ARAP2: variants seen among roughly 807,000 people sequenced by gnomAD.
ARAP2 encodes the protein ArfGAP with RhoGAP domain, ankyrin repeat and PH domain 2.
ARAP2 carries 148 observed loss-of-function variants against 194.5 expected under a neutral mutation model. The ratio of observed to expected loss-of-function variants is 0.76; its 90% CI spans 0.67 to 0.87. ARAP2 has a LOEUF of 0.87. Ranked by LOEUF, ARAP2 falls within the 40% of genes least tolerant of loss-of-function variation. The probability of loss-of-function intolerance (pLI) is 0.00; values close to 1 mark genes in which losing one functional copy is unlikely to be tolerated. For missense variants in ARAP2, 2,128 were observed against 1,989.7 expected, an observed-to-expected ratio of 1.07 and a Z score of -1.32; for synonymous variants, 695 against 683.5, an observed-to-expected ratio of 1.02 and a Z score of -0.26.
chr4:36,149,511 A>G (rs1730441939), intron 16 of ARAP2, among the ~76,000 whole-genome samples: 1 of 152,200 alleles, frequency 6.6e-6, no homozygotes. Flanking sequence ...ATTTTATGGC[A>G]ACAATTATTT....
At chr4:36,173,005 G>C (rs1333551547) in intron 9 of ARAP2, among the ~76,000 whole-genome samples, 1 of 152,120 alleles carries the variant, frequency 6.6e-6, no homozygotes, top group Non-Finnish European at 1.5e-5. Context: ...TGTTGGGGGG[G>C]AATGAGGGAG....
At chr4:36,084,548 T>G (rs1730373823) in intron 28 of ARAP2, among the ~76,000 whole-genome samples, 1 of 152,112 alleles carries the variant, frequency 6.6e-6, no homozygotes, top group African/African-American at 2.4e-5. Context: ...AAATCCAAAT[T>G]AATGAAAATT....
At chr4:36,244,082 G>C (rs145591649) in intron 1 of ARAP2, 97 bp downstream of exon 1, 4 of 152,334 alleles carry the variant, frequency 2.6e-5, no homozygotes, top group Admixed American at 6.5e-5. Flanking sequence ...AAATTTACCC[G>C]GTGAAGTGTC....
intron 12 of ARAP2, among the ~76,000 whole-genome samples, chr4:36,161,146 A>AACACAC (rs36207295): frequency 1.5e-3 from 215 of 147,946 alleles, no homozygotes; most frequent in African/African-American, 4.5e-3. Context: ...CACACACACA[A>AACACAC]ACACACACAC....
chr4:36,179,450 G>A (rs1738719329), intron 8 of ARAP2, among the ~76,000 whole-genome samples: 1 of 152,158 alleles, frequency 6.6e-6, no homozygotes, highest in Non-Finnish European at 1.5e-5. Context: ...GCGCATCCAC[G>A]CAGACTCATA....
At position 36,148,354 on chromosome 4, in the gene ARAP2, C is replaced by T. The variant is rs374593338; in HGVS notation, c.3000+51G>A. On this transcript the variant is annotated intron_variant, in intron 17 of 32. Coordinates refer to ENST00000303965, the MANE Select transcript of ARAP2 (RefSeq NM_015230.4). ...ACCCCTGAAGCTCAAACACAGACTC[C>T]CAGTTCACAATCTTCTCTGGATTTA... is the stretch of plus-strand genomic sequence containing the variant. 20 of 1,392,332 alleles carry T rather than the reference C, an allele frequency of 1.4e-5. No homozygotes were observed. In the Admixed American group the frequency reaches 2.7e-4, roughly 19 times the overall value. The allele number at this position is 1,392,332 out of a possible 1,614,324, so 86.2% of individuals were successfully genotyped here.
At chr4:36,131,960 T>G (rs1463287803) in intron 20 of ARAP2, among the ~76,000 whole-genome samples, 1 of 151,736 alleles carries the variant, frequency 6.6e-6, no homozygotes, top group African/African-American at 2.4e-5. Context: ...TATGTATATT[T>G]TTTCAGTAGA....
At chr4:36,213,676 G>A (rs545996366) in intron 3 of ARAP2, among the ~76,000 whole-genome samples, 1 of 151,820 alleles carries the variant, frequency 6.6e-6, no homozygotes, top group Non-Finnish European at 1.5e-5. Flanking sequence ...TCCTAAATAA[G>A]GAAATATTCT....
rs55671364 is a variant in ARAP2, at chr4:36,124,976, G to A, written c.3641-9C>T. 1,507 of 1,481,868 alleles carry A rather than the reference G, an allele frequency of 1.0e-3. 13 individuals are homozygous for A. The African/African-American group carries it at 0.018, about 18-fold the overall frequency. 91.8% of individuals were successfully genotyped at this position (1,481,868 alleles called of 1,614,324 possible). ...CTTGTCATCTTGCGTATCTGAAGGG[G>A]AAAAAAAAACAATCTTGAGATCTAA... On this transcript the variant is annotated splice_polypyrimidine_tract_variant and intron_variant, in intron 21 of 32. Transcript: ENST00000303965.
At chr4:36,158,017 T>A (rs1438896876) in intron 15 of ARAP2, among the ~76,000 whole-genome samples, 6 of 152,144 alleles carry the variant, frequency 3.9e-5, no homozygotes, top group African/African-American at 1.4e-4. Flanking sequence ...ACACTCTTTG[T>A]TACAGTAAGG....
intron 31 of ARAP2, among the ~76,000 whole-genome samples, chr4:36,077,512 T>C (rs1165292744): frequency 1.3e-5 from 2 of 152,028 alleles, no homozygotes; most frequent in East Asian, 3.9e-4. Flanking sequence ...AACTCTAGGG[T>C]ATATACCACA....
intron 7 of ARAP2, among the ~76,000 whole-genome samples, chr4:36,191,926 A>G (rs1483171966): frequency 6.6e-6 from 1 of 152,150 alleles, no homozygotes; most frequent in Non-Finnish European, 1.5e-5. Flanking sequence ...GGCGGCCTCA[A>G]AGAAAGTGGA....
intron 2 of ARAP2, among the ~76,000 whole-genome samples, chr4:36,218,056 T>C (rs1192001545): frequency 1.3e-5 from 2 of 152,086 alleles, no homozygotes; most frequent in African/African-American, 4.8e-5. Flanking sequence ...AGACATACTC[T>C]ACCAGGTTTC....
chr4:36,100,233 C>T (rs930266307), intron 27 of ARAP2, among the ~76,000 whole-genome samples: 3 of 152,018 alleles, frequency 2.0e-5, no homozygotes, highest in African/African-American at 7.2e-5. Flanking sequence ...TTTAGCCCAG[C>T]GCACATAGTA....
At chr4:36,140,152 A>ACT (rs1189347447) in intron 19 of ARAP2, among the ~76,000 whole-genome samples, 4 of 150,802 alleles carry the variant, frequency 2.7e-5, no homozygotes, top group African/African-American at 9.7e-5. Flanking sequence ...ACACACACAC[A>ACT]CACACACACA....
At chr4:36,111,693 A>C (rs1428718135) in intron 26 of ARAP2, among the ~76,000 whole-genome samples, 1 of 152,008 alleles carries the variant, frequency 6.6e-6, no homozygotes, top group Non-Finnish European at 1.5e-5. Context: ...CAAGTTTATA[A>C]TTAGTCATTC....
chr4:36,171,058 C>T (rs1560585508), intron 9 of ARAP2, among the ~76,000 whole-genome samples: 1 of 152,096 alleles, frequency 6.6e-6, no homozygotes, highest in Admixed American at 6.5e-5. Flanking sequence ...GGACAAAACC[C>T]AGACCAGGTT....
intron 32 of ARAP2, among the ~76,000 whole-genome samples, chr4:36,069,067 G>T (rs1244074405): frequency 6.6e-5 from 10 of 152,012 alleles, no homozygotes; most frequent in African/African-American, 1.9e-4. Flanking sequence ...ACTGAAGTGT[G>T]AGCCTTGTAC....
intron 15 of ARAP2, among the ~76,000 whole-genome samples, chr4:36,151,642 T>C (rs921759811): frequency 1.3e-5 from 2 of 152,210 alleles, no homozygotes; most frequent in African/African-American, 4.8e-5. Flanking sequence ...ATTACTGTTC[T>C]GTGGTTACTT....
Sources: gnomAD v4.1 joint callset for allele counts (sites outside exome capture counted in the v4.1 genomes callset) on GRCh38, gnomAD v4.1.1 for gene constraint, MANE v1.5 for transcripts, NCBI Gene and HGNC (gene_info 2026-07-23, HGNC 2026-07-21) for gene names.